DACH1: variants seen among roughly 807,000 people sequenced by gnomAD.
The protein encoded by DACH1 is dachshund homolog 1.
Under a neutral mutation model 54.2 loss-of-function variants are expected in DACH1, and 12 were observed. That is an observed-to-expected ratio of 0.22 (90% CI 0.14 to 0.36). DACH1 has a LOEUF of 0.36. Among genes scored for constraint, DACH1 ranks in the 10% least tolerant of loss-of-function variants. The pLI, the probability that DACH1 is intolerant of heterozygous loss-of-function variation, is 1.00. For missense variants in DACH1, 805 were observed against 929.8 expected, an observed-to-expected ratio of 0.87 and a Z score of 1.75; for synonymous variants, 386 against 366.2, an observed-to-expected ratio of 1.05 and a Z score of -0.62.
At chr13:71,535,064 A>C (rs1233689980) in intron 6 of DACH1, among the ~76,000 whole-genome samples, 1 of 151,868 alleles carries the variant, frequency 6.6e-6, no homozygotes, top group Non-Finnish European at 1.5e-5. Context: ...GAGTTTTTCT[A>C]TGTTTCATAA....
intron 1 of DACH1, among the ~76,000 whole-genome samples, chr13:71,807,720 TG>T (rs1031291205): frequency 2.6e-5 from 4 of 152,296 alleles, no homozygotes; most frequent in African/African-American, 4.8e-5. Flanking sequence ...TCCTGAAAAT[TG>T]ACAGATACAG....
At chr13:71,661,743 G>C (rs1194284213) in intron 2 of DACH1, among the ~76,000 whole-genome samples, 1 of 151,800 alleles carries the variant, frequency 6.6e-6, no homozygotes, top group Non-Finnish European at 1.5e-5. Context: ...AAACATCCCT[G>C]TACAACACAC....
rs117004392 is a variant in DACH1 at position 71,583,699 on chromosome 13, G to A, written c.1127-10687C>T. 8.0e-3 allele frequency among the ~76,000 whole-genome samples: 1,218 copies of A among 152,074 alleles called. 3 individuals are homozygous for A. Among genetic ancestry groups the A allele is most frequent in the Non-Finnish European group, 0.013 (869 of 67,974 alleles). On this transcript the variant is annotated intron_variant, in intron 3 of 10. Transcript: ENST00000613252. ...CTACAAAAAATACAAAAATTAGCCG[G>A]ACATGGTGGTATACATCTGTAGTCC...
chr13:71,688,242 A>G (rs1454045729), intron 1 of DACH1, among the ~76,000 whole-genome samples: 1 of 152,222 alleles, frequency 6.6e-6, no homozygotes, highest in Non-Finnish European at 1.5e-5. Flanking sequence ...AGGACTTCCT[A>G]AGATTAATGT....
At chr13:71,607,999 A>G (rs1040944351) in intron 3 of DACH1, among the ~76,000 whole-genome samples, 6 of 151,916 alleles carry the variant, frequency 3.9e-5, no homozygotes, top group African/African-American at 1.2e-4. Context: ...AACAATTTCC[A>G]TATTAATGAG....
rs75801674 is a variant in DACH1, at chr13:71,618,173, G to A, written c.1126+12383C>T. 1.6e-3 allele frequency among the ~76,000 whole-genome samples: 243 copies of A among 152,118 alleles called. 6 individuals are homozygous for A. In the East Asian group the frequency reaches 0.041, roughly 26 times the overall value. On this transcript the variant is annotated intron_variant, in intron 3 of 10. Coordinates refer to ENST00000613252, the MANE Select transcript of DACH1 (RefSeq NM_080759.6). ...CCCCTTGCTCATCCATAACTTTCTT[G>A]TTCAGAATTTTTCCCTGGTTGGAAA...
chr13:71,690,449 C>G (rs1881418061), intron 1 of DACH1, among the ~76,000 whole-genome samples: 3 of 152,144 alleles, frequency 2.0e-5, no homozygotes, highest in Admixed American at 2.0e-4. Flanking sequence ...CTACCCACAA[C>G]ACCTCTCTTT....
chr13:71,443,493 A>C (rs1308717942), intron 10 of DACH1, among the ~76,000 whole-genome samples: 1 of 152,192 alleles, frequency 6.6e-6, no homozygotes, highest in Non-Finnish European at 1.5e-5. Context: ...TCAGTTCAGC[A>C]GTCATACACT....
At chr13:71,696,398 C>T (rs1167454542) in intron 1 of DACH1, among the ~76,000 whole-genome samples, 1 of 152,114 alleles carries the variant, frequency 6.6e-6, no homozygotes, top group Non-Finnish European at 1.5e-5. Context: ...GAATAAGTAA[C>T]TTGAATAAAT....
chr13:71,537,505 G>A (rs1882883502), intron 6 of DACH1, among the ~76,000 whole-genome samples: 2 of 152,180 alleles, frequency 1.3e-5, no homozygotes, highest in Middle Eastern at 3.4e-3. Flanking sequence ...CCAGCAGCTA[G>A]AACAGTGCCT....
At chr13:71,831,597 A>G (rs1888592903) in intron 1 of DACH1, among the ~76,000 whole-genome samples, 1 of 151,912 alleles carries the variant, frequency 6.6e-6, no homozygotes, top group Admixed American at 6.6e-5. Context: ...GACCCCCTTC[A>G]AATGAACAGC....
intron 3 of DACH1, among the ~76,000 whole-genome samples, chr13:71,588,241 AC>A (rs1395561714): frequency 2.0e-5 from 3 of 152,120 alleles, no homozygotes; most frequent in Non-Finnish European, 4.4e-5. Context: ...ATAGTTGCTG[AC>A]ATCATCATGT....
chr13:71,691,189 A>C (rs1371764900), intron 1 of DACH1, among the ~76,000 whole-genome samples: 1 of 152,194 alleles, frequency 6.6e-6, no homozygotes, highest in African/African-American at 2.4e-5. Context: ...ATTTGGTCCC[A>C]ATATGAACCC....
chr13:71,500,945 C>T (rs1168114183), intron 6 of DACH1, among the ~76,000 whole-genome samples: 1 of 151,988 alleles, frequency 6.6e-6, no homozygotes, highest in Non-Finnish European at 1.5e-5. Flanking sequence ...ACCACAGACC[C>T]CTTTATCTTA....
intron 2 of DACH1, among the ~76,000 whole-genome samples, chr13:71,653,695 T>C (rs1193378535): frequency 2.0e-5 from 3 of 152,226 alleles, no homozygotes; most frequent in African/African-American, 7.2e-5. Flanking sequence ...TTGGTATTTA[T>C]CTACCTATAG....
At position 71,852,545 on chromosome 13, in the gene DACH1, C is replaced by G. The variant is rs546240881; in HGVS notation, c.848+13377G>C. On this transcript the variant is annotated intron_variant, in intron 1 of 10. Coordinates refer to ENST00000613252, the MANE Select transcript of DACH1 (RefSeq NM_080759.6). ...GCTAGCTTTGAAATAAAGCTGTGAT[C>G]CTAATTCAGAGGAAGTTTGCTTAAA... Among the ~76,000 whole-genome samples the G allele has an allele frequency of 5.9e-5, 9 of 152,170 alleles. No individual in the cohort carries two copies. The South Asian group carries it at 1.9e-3, about 32-fold the overall frequency.
At chr13:71,499,542 A>G (rs1367502710) in intron 6 of DACH1, among the ~76,000 whole-genome samples, 2 of 152,310 alleles carry the variant, frequency 1.3e-5, no homozygotes, top group East Asian at 1.9e-4. Flanking sequence ...CCTGTTAGTG[A>G]TAACATCATT....
intron 6 of DACH1, among the ~76,000 whole-genome samples, chr13:71,490,205 A>G (rs1878867947): frequency 6.6e-6 from 1 of 152,196 alleles, no homozygotes; most frequent in African/African-American, 2.4e-5. Context: ...ACTTCAGCAC[A>G]CTTGCCTTAT....
intron 1 of DACH1, among the ~76,000 whole-genome samples, chr13:71,781,568 C>T (rs1338875892): frequency 2.6e-5 from 4 of 151,776 alleles, no homozygotes; most frequent in East Asian, 2.0e-4. Flanking sequence ...TTAGTAGAGA[C>T]GGGGTTTCAC....
Sources: gnomAD v4.1 joint callset for allele counts (sites outside exome capture counted in the v4.1 genomes callset) on GRCh38, gnomAD v4.1.1 for gene constraint, MANE v1.5 for transcripts, NCBI Gene and HGNC (gene_info 2026-07-23, HGNC 2026-07-21) for gene names.